Variants in CYP4F3 observed in about 807,000 individuals in gnomAD.
CYP4F3 encodes the protein cytochrome P450 4F3.
A neutral mutation model predicts 54.8 loss-of-function variants in CYP4F3; 50 were observed. That is an observed-to-expected ratio of 0.91 (90% CI 0.73 to 1.16). CYP4F3 has a LOEUF of 1.16. Among genes scored for constraint, CYP4F3 ranks in the 50% most tolerant of loss-of-function variants. The probability of loss-of-function intolerance (pLI) is 0.00; values close to 1 mark genes in which losing one functional copy is unlikely to be tolerated. For missense variants in CYP4F3, 715 were observed against 676.2 expected (o/e 1.06, Z -0.64); for synonymous variants, 244 against 262.6 (o/e 0.93, Z 0.69).
At chr19:15,643,684 C>T (rs1468163985) in intron 2 of CYP4F3, among the ~76,000 whole-genome samples, 3 of 152,094 alleles carry the variant, frequency 2.0e-5, no homozygotes, top group Non-Finnish European at 4.4e-5. Flanking sequence ...ATTAGCCTTT[C>T]CTCTGCATTT....
intron 2 of CYP4F3, among the ~76,000 whole-genome samples, chr19:15,641,968 G>C (rs776326405): frequency 1.3e-5 from 2 of 152,086 alleles, no homozygotes. Flanking sequence ...CACTGTTCAG[G>C]GTCCTCTCCC....
chr19:15,641,903 G>T (rs1225316836), intron 2 of CYP4F3, among the ~76,000 whole-genome samples: 1 of 152,106 alleles, frequency 6.6e-6, no homozygotes, highest in Non-Finnish European at 1.5e-5. Flanking sequence ...GCACAGAAAG[G>T]TGAACCCCTG....
rs1973103463 is a variant in CYP4F3, at chr19:15,658,721, C to T, written c.1315-6C>T. On this transcript the variant is annotated splice_polypyrimidine_tract_variant and splice_region_variant and intron_variant, in intron 11 of 12. Transcript: ENST00000221307. ...ACCCGGCAACCCTTCTTGGTCTCGC[C>T]TCCAGGTCTATGACCCCTTTCGCTT... 1.2e-6 allele frequency: 2 copies of T among 1,613,900 alleles called. No homozygotes were observed. The highest frequency in any genetic ancestry group is 1.3e-5 in the African/African-American group (1 of 74,898).
In CYP4F3 at chr19:15,650,394, A is replaced by G. The variant is rs912663462; in HGVS notation, c.918+211A>G. ...TAAATGAAATTGTGATGAGTCTGAG[A>G]TTTACTCTATTTATAAGTTAATAAG... On this transcript the variant is annotated intron_variant, in intron 7 of 12. Coordinates refer to ENST00000221307, the MANE Select transcript of CYP4F3 (RefSeq NM_000896.3). 28 of 910,960 alleles carry G rather than the reference A, an allele frequency of 3.1e-5. No homozygotes were observed. In the Admixed American group the frequency reaches 6.8e-4, roughly 22 times the overall value. The allele number at this position is 910,960 out of a possible 1,614,324, so 56.4% of individuals were successfully genotyped here.
At chr19:15,644,375 G>A (rs1255223572) in intron 2 of CYP4F3, among the ~76,000 whole-genome samples, 1 of 152,196 alleles carries the variant, frequency 6.6e-6, no homozygotes. Context: ...GGTCAAGAAA[G>A]GGCCAGAGGG....
intron 2 of CYP4F3, among the ~76,000 whole-genome samples, chr19:15,643,515 G>A (rs367588080): frequency 3.3e-4 from 50 of 152,182 alleles, no homozygotes; most frequent in African/African-American, 1.2e-3. Context: ...TCGGGAATTG[G>A]CTCACAGGAT....
At position 15,661,282 on chromosome 19, in the gene CYP4F3, A is replaced by C. The variant is rs1973177489; in HGVS notation, c.*1897A>C. On this transcript the variant is annotated 3_prime_UTR_variant, in exon 13 of 13. Coordinates refer to ENST00000221307, the MANE Select transcript of CYP4F3 (RefSeq NM_000896.3). ...GACTCGGTCTCAAAAACAAAACAAA[A>C]CAAAACAAAACAAAACAAAAACAAA... The C allele has an allele frequency of 6.6e-6, 1 of 151,562 alleles. No individual in the cohort carries two copies. The highest frequency in any genetic ancestry group is 1.5e-5 in the Non-Finnish European group (1 of 67,988). 9.4% of individuals were successfully genotyped at this position (151,562 alleles called of 1,614,324 possible).
At chr19:15,652,148 C>T (rs1312650946) in intron 7 of CYP4F3, among the ~76,000 whole-genome samples, 1 of 152,112 alleles carries the variant, frequency 6.6e-6, no homozygotes, top group African/African-American at 2.4e-5. Context: ...CATAGACTTA[C>T]AACTCAAATG....
chr19:15,653,321 A>G (rs2683045), intron 9 of CYP4F3, among the ~76,000 whole-genome samples: 100,301 of 151,560 alleles, frequency 0.66, 33,695 homozygotes, highest in East Asian at 0.81. Context: ...CTACCCTTCC[A>G]TCCAGTCCAG....
rs1973208522 is a variant in CYP4F3, at chr19:15,662,750, C to T, written c.*3365C>T. 6.6e-6 allele frequency: 1 copy of T among 152,184 alleles called. No individual in the cohort carries two copies. The highest frequency in any genetic ancestry group is 1.5e-5 in the Non-Finnish European group (1 of 68,036). 9.4% of individuals were successfully genotyped at this position (152,184 alleles called of 1,614,324 possible). A position where few individuals can be genotyped will look rare whatever the true frequency, so the allele number is the denominator to read the frequency against. On this transcript the variant is annotated 3_prime_UTR_variant, in exon 13 of 13. Coordinates refer to ENST00000221307, the MANE Select transcript of CYP4F3 (RefSeq NM_000896.3). The stretch of plus-strand genomic sequence containing the variant: ...TAGTTTTCACCATGACAGTCTTGCA[C>T]ATATTTTGTTAAATGTACAGCTGAG...
rs777758946 is a variant in CYP4F3 at position 15,658,599 on chromosome 19, AGAG to A, written c.1314+49_1314+51del. 3.7e-6 allele frequency: 6 copies of A among 1,612,942 alleles called. No individual in the cohort carries two copies. The South Asian group carries it at 6.6e-5, about 18-fold the overall frequency. On this transcript the variant is annotated intron_variant, in intron 11 of 12. Transcript: ENST00000221307. Reference sequence around the variant, plus strand: ...TGTTTTTGTCCATTCCAAGGCTCCTAGAGGAGGGGGCAGGGTTTTGATCAGGAG... The same window carrying A: ...TGTTTTTGTCCATTCCAAGGCTCCTAGAGGGGGCAGGGTTTTGATCAGGAG...
rs200315468 is a variant in CYP4F3 at position 15,645,671 on chromosome 19, C to A, written c.199-48C>A. ...ACCTCTTCCCTGCAGATCCTTCTCT[C>A]TCGCAGCCTAGGAGAGCATGAATTG... On this transcript the variant is annotated intron_variant, in intron 2 of 12. Transcript: ENST00000221307. 1.1e-5 allele frequency: 17 copies of A among 1,537,546 alleles called. No homozygotes were observed. The East Asian group carries it at 3.7e-4, about 33-fold the overall frequency.
chr19:15,641,394 A>G, intron 1 of CYP4F3, 21 bp from the exon 2 acceptor site: 1 of 1,612,974 alleles, frequency 6.2e-7, no homozygotes, highest in African/African-American at 1.3e-5. Flanking sequence ...GACCTCACTC[A>G]CCACCCCATC....
Position 15,658,567 on chromosome 19 carries a change from C to G in CYP4F3, c.1314+12C>G, listed in dbSNP as rs770022939. The G allele has an allele frequency of 6.2e-7, 1 of 1,614,026 alleles. No homozygotes were observed. The highest frequency in any genetic ancestry group is 1.7e-5 in the Admixed American group (1 of 60,008). ...GGCCGGACCCTGAGGTGCGGGCCCC[C>G]CGTCTCTGTTTTTGTCCATTCCAAG... On this transcript the variant is annotated intron_variant, in intron 11 of 12. Coordinates refer to ENST00000221307, the MANE Select transcript of CYP4F3 (RefSeq NM_000896.3).
chr19:15,658,902 C>G, intron 12 of CYP4F3, 93 bp downstream of exon 12: 9 of 1,479,306 alleles, frequency 6.1e-6, no homozygotes, highest in Non-Finnish European at 8.3e-6. Flanking sequence ...GTAGACGGTC[C>G]GAGTTCCAGC....
At position 15,645,814 on chromosome 19, in the gene CYP4F3, C is replaced by T. The variant is rs199619994; in HGVS notation, c.294C>T (p.Ile98=). ...CCWWVGPWHA[I]VRIFHPTYIK... ...GGTGGGTGGGGCCCTGGCACGCAAT[C>T]GTCCGCATCTTCCACCCCACCTACA... is the stretch of plus-strand genomic sequence containing the variant. The change falls in exon 3 of 13, where the codon ATC becomes ATT. Residue 98 remains isoleucine (I), a synonymous_variant. Coordinates refer to ENST00000221307, the MANE Select transcript of CYP4F3 (RefSeq NM_000896.3). 2.2e-4 allele frequency: 358 copies of T among 1,614,006 alleles called. No homozygotes were observed. Among genetic ancestry groups the T allele is most frequent in the East Asian group, 5.8e-4 (26 of 44,878 alleles).
rs773872449 is a variant in CYP4F3, at chr19:15,647,368, G to T, written c.525+44G>T. The T allele has an allele frequency of 4.3e-6, 7 of 1,612,262 alleles. No homozygotes were observed. The South Asian group carries it at 4.4e-5, about 10-fold the overall frequency. On this transcript the variant is annotated intron_variant, in intron 5 of 12. Transcript: ENST00000221307. ...AGGTCCCAGCTGCAGCCTTTGGTTG[G>T]GGGGAACCACAGACAGATCTAGTCT...
rs60874509 is a variant in CYP4F3 at position 15,653,735 on chromosome 19, G to GGAGAGAGAGAGAGA, written c.1115+821_1115+834dup. ...GGTCTTCGGGGGAGGAAGAGAGAGA[G>GGAGAGAGAGAGAGA]GAGAGAGAGAGAGAGAGAGAGAGAG... On this transcript the variant is annotated intron_variant, in intron 9 of 12. Transcript: ENST00000221307. Among the ~76,000 whole-genome samples, 39 of 111,752 alleles carry GGAGAGAGAGAGAGA rather than the reference G, an allele frequency of 3.5e-4. 1 individual carries two copies. The highest frequency in any genetic ancestry group is 9.6e-4 in the East Asian group (4 of 4,176). The allele number at this position is 111,752 out of a possible 152,430, so 73.3% of individuals were successfully genotyped here.
In CYP4F3 at chr19:15,658,786, T is replaced by C. The variant is rs1369974522; in HGVS notation, c.1374T>C (p.Phe458=). 2 of 1,614,138 alleles carry C rather than the reference T, an allele frequency of 1.2e-6. No homozygotes were observed. The highest frequency in any genetic ancestry group is 3.3e-5 in the Admixed American group (2 of 60,022). The part of the protein sequence containing the change: ...KNIKERSPLA[F]IPFSAGPRNC... ...TCAAGGAGAGGTCACCTCTGGCTTT[T>C]ATTCCCTTCTCAGCAGGGCCCAGGT... is the stretch of plus-strand genomic sequence containing the variant. Residue 458 remains phenylalanine (F), a synonymous_variant, in exon 12 of 13, where the codon TTT becomes TTC. Transcript: ENST00000221307.
Sources: allele counts gnomAD v4.1 joint callset (sites outside exome capture counted in the v4.1 genomes callset), GRCh38; gene constraint gnomAD v4.1.1; transcripts MANE v1.5; gene names NCBI Gene and HGNC (gene_info 2026-07-23, HGNC 2026-07-21).